RUNX3: variants seen among roughly 807,000 people sequenced by gnomAD.
The protein encoded by RUNX3 is runt-related transcription factor 3.
In RUNX3, 10 loss-of-function variants were observed where a neutral mutation model predicts 27.7. The ratio of observed to expected loss-of-function variants is 0.36; its 90% CI spans 0.22 to 0.61. The LOEUF is 0.61. RUNX3 is among the 20% of genes least tolerant of loss of function. The pLI, the probability that RUNX3 is intolerant of heterozygous loss-of-function variation, is 0.72. For missense variants in RUNX3, 469 were observed against 629.5 expected, an observed-to-expected ratio of 0.75 and a Z score of 2.73; for synonymous variants, 270 against 269.2, an observed-to-expected ratio of 1.00 and a Z score of -0.03.
At chr1:24,955,007 T>C (rs1472160484) in intron 2 of RUNX3, among the ~76,000 whole-genome samples, 1 of 152,102 alleles carries the variant, frequency 6.6e-6, no homozygotes, top group Non-Finnish European at 1.5e-5. Context: ...CTCCTCTCCC[T>C]CAAGCCCTCC....
intron 3 of RUNX3, among the ~76,000 whole-genome samples, chr1:24,909,001 G>A (rs1042325407): frequency 4.6e-5 from 7 of 152,182 alleles, no homozygotes; most frequent in Non-Finnish European, 7.4e-5. Flanking sequence ...GTCAGGGGAC[G>A]AGATGTCACA....
At chr1:24,935,881 G>A (rs1369110208) in intron 2 of RUNX3, among the ~76,000 whole-genome samples, 1 of 152,172 alleles carries the variant, frequency 6.6e-6, no homozygotes, top group Non-Finnish European at 1.5e-5. Flanking sequence ...CGAAAGTAAA[G>A]AGCTTTTCCT....
At chr1:24,942,688 C>G (rs1641507036) in intron 2 of RUNX3, among the ~76,000 whole-genome samples, 1 of 152,222 alleles carries the variant, frequency 6.6e-6, no homozygotes, top group African/African-American at 2.4e-5. Flanking sequence ...AAAACTCTTA[C>G]TGCCCTTTCT....
chr1:24,907,840 C>T (rs1429541287), intron 3 of RUNX3, among the ~76,000 whole-genome samples: 3 of 151,680 alleles, frequency 2.0e-5, no homozygotes, highest in South Asian at 2.1e-4. Context: ...CTACAACACA[C>T]GGTGATCTAA....
chr1:24,922,782 CAAAAAAAAAAAAA>C (rs57671911), intron 2 of RUNX3, among the ~76,000 whole-genome samples: 2 of 21,542 alleles, frequency 9.3e-5, no homozygotes, highest in African/African-American at 2.1e-4. Flanking sequence ...GCCCACAGGG[CAAAAAAAAAAAAA>C]AAAAAAAAAA....
chr1:24,950,556 G>GT (rs941049193), intron 2 of RUNX3, among the ~76,000 whole-genome samples: 1 of 152,244 alleles, frequency 6.6e-6, no homozygotes, highest in African/African-American at 2.4e-5. Flanking sequence ...AGCACAGGAG[G>GT]TGGGGGGGCC....
intron 2 of RUNX3, among the ~76,000 whole-genome samples, chr1:24,940,550 A>G (rs1641452187): frequency 6.6e-6 from 1 of 152,176 alleles, no homozygotes; most frequent in African/African-American, 2.4e-5. Context: ...TTATAAATAG[A>G]AAATGACATT....
chr1:24,915,214 G>C (rs1228984876), intron 3 of RUNX3, among the ~76,000 whole-genome samples: 1 of 152,092 alleles, frequency 6.6e-6, no homozygotes, highest in Non-Finnish European at 1.5e-5. Flanking sequence ...ACTTGAGGTC[G>C]GGAGTTCAAG....
chr1:24,943,443 A>T lies in RUNX3; in HGVS notation c.59-13591T>A, dbSNP rs771323881. Among the ~76,000 whole-genome samples the T allele has an allele frequency of 1.3e-4, 20 of 152,164 alleles. No individual in the cohort carries two copies. Among genetic ancestry groups the T allele is most frequent in the Non-Finnish European group, 2.8e-4 (19 of 68,018 alleles). Reference sequence around the variant, plus strand: ...ACGGTTCTGAGAACTCACACAGCTTAACTCTTCATCCTTGCTCCATCCTAA... The same window carrying T: ...ACGGTTCTGAGAACTCACACAGCTTTACTCTTCATCCTTGCTCCATCCTAA... On this transcript the variant is annotated intron_variant, in intron 2 of 6. Coordinates refer to the RUNX3 transcript ENST00000338888. The surrounding 1 kb of genome is among the most constrained non-coding windows in gnomAD (Gnocchi z 4.6).
In RUNX3 at chr1:24,901,880, C is replaced by T. The variant is rs560383921; in HGVS notation, c.*242G>A. On this transcript the variant is annotated 3_prime_UTR_variant, in exon 5 of 5. Coordinates refer to ENST00000308873, the MANE Select transcript of RUNX3 (RefSeq NM_004350.3). ...TTCCCCACAGAAGTATGGGATGAGA[C>T]GGCCAGGATCTGGGCCGGGGGCAGT... 5.0e-5 allele frequency: 25 copies of T among 502,184 alleles called. No individual in the cohort carries two copies. The highest frequency in any genetic ancestry group is 3.1e-4 in the South Asian group (9 of 29,404). 31.1% of individuals were successfully genotyped at this position (502,184 alleles called of 1,614,324 possible).
rs1640531510 is a variant in RUNX3, at chr1:24,901,017, G to GTTTTGTTTTTTTT, written c.*1104_*1105insAAAAAAAACAAAA. 1 of 124,910 alleles carries GTTTTGTTTTTTTT rather than the reference G, an allele frequency of 8.0e-6. No homozygotes were observed. The highest frequency in any genetic ancestry group is 1.7e-5 in the Non-Finnish European group (1 of 57,648). The allele number at this position is 124,910 out of a possible 1,614,324, so 7.7% of individuals were successfully genotyped here. On this transcript the variant is annotated 3_prime_UTR_variant, in exon 5 of 5. Coordinates refer to ENST00000308873, the MANE Select transcript of RUNX3 (RefSeq NM_004350.3). Reference sequence around the variant, plus strand: ...TAAAATCAGTTTTAAAAACTGTTTTGTTTTTTTTTTGTTTTTTTGTTTTTT... The same window carrying GTTTTGTTTTTTTT: ...TAAAATCAGTTTTAAAAACTGTTTTGTTTTGTTTTTTTTTTTTTTTTTTGTTTTTTTGTTTTTT...
intron 2 of RUNX3, among the ~76,000 whole-genome samples, chr1:24,942,686 T>TA (rs2124340587): frequency 6.6e-6 from 1 of 152,308 alleles, no homozygotes; most frequent in Non-Finnish European, 1.5e-5. Flanking sequence ...CTAAAACTCT[T>TA]ACTGCCCTTT....
At position 24,902,294 on chromosome 1, in the gene RUNX3, CG is replaced by C; in HGVS notation, c.1075del (p.Arg359AlafsTer19). On this transcript the variant is annotated frameshift_variant, in exon 5 of 5. Coordinates refer to ENST00000308873, the MANE Select transcript of RUNX3 (RefSeq NM_004350.3). LOFTEE classifies it high-confidence loss of function. The surrounding 1 kb of genome is among the most constrained non-coding windows in gnomAD (Gnocchi z 9.2). ...SSSGGDRSPT[R>X]MLASCTSSAA... ...GCTGCTGGTGCAAGAGGCCAGCATG[CG>C]GGTAGGTGAGCGGTCGCCCCCACTG... 1 of 1,602,060 alleles carries C rather than the reference CG, an allele frequency of 6.2e-7. No individual in the cohort carries two copies. The highest frequency in any genetic ancestry group is 2.2e-5 in the East Asian group (1 of 44,470).
At chr1:24,928,044 T>C (rs142219807) in intron 1 of RUNX3, among the ~76,000 whole-genome samples, 2 of 152,232 alleles carry the variant, frequency 1.3e-5, no homozygotes, top group Non-Finnish European at 2.9e-5. Flanking sequence ...CACTATGATG[T>C]GGGGTGCAGT....
intron 2 of RUNX3, among the ~76,000 whole-genome samples, chr1:24,946,429 C>G (rs1448870914): frequency 7.9e-6 from 1 of 126,440 alleles, no homozygotes; most frequent in East Asian, 2.7e-4. Flanking sequence ...TGGGAACATA[C>G]AGTATGGGGT....
intron 1 of RUNX3, chr1:24,929,270 G>A (rs549083895): frequency 1.5e-4 from 89 of 605,074 alleles, no homozygotes; most frequent in African/African-American, 1.5e-3. Context: ...TACCCGCAGG[G>A]CTGTATCTGA....
At chr1:24,957,447 T>G (rs916639064) in intron 2 of RUNX3, among the ~76,000 whole-genome samples, 12 of 152,190 alleles carry the variant, frequency 7.9e-5, no homozygotes, top group Admixed American at 5.2e-4. Flanking sequence ...AGCCTGCCCC[T>G]GCTCCCAAGA....
intron 2 of RUNX3, among the ~76,000 whole-genome samples, chr1:24,955,062 A>G (rs1641881079): frequency 6.6e-6 from 1 of 152,012 alleles, no homozygotes; most frequent in Admixed American, 6.6e-5. Flanking sequence ...CTTTTGTGTG[A>G]TCCTTCTTCC....
Position 24,919,228 on chromosome 1 carries a change from G to C in RUNX3, c.544+12C>G, listed in dbSNP as rs200360165. Reference sequence around the variant, plus strand: ...CCCCGCGCAGGGGCTCAGGGGGCTCGGTGGCACTTACGTCTGGGCTCCCGG... The same window carrying C: ...CCCCGCGCAGGGGCTCAGGGGGCTCCGTGGCACTTACGTCTGGGCTCCCGG... On this transcript the variant is annotated intron_variant, in intron 3 of 4. Coordinates refer to ENST00000308873, the MANE Select transcript of RUNX3 (RefSeq NM_004350.3). The C allele has an allele frequency of 1.2e-4, 185 of 1,564,228 alleles. No homozygotes were observed. The African/African-American group carries it at 2.3e-3, about 19-fold the overall frequency.
Sources: allele counts gnomAD v4.1 joint callset (sites outside exome capture counted in the v4.1 genomes callset), GRCh38; gene constraint gnomAD v4.1.1; non-coding constraint Gnocchi (gnomAD v3.1); transcripts MANE v1.5; gene names NCBI Gene and HGNC (gene_info 2026-07-23, HGNC 2026-07-21).